PRKCE: variants seen among roughly 807,000 people sequenced by gnomAD.
PRKCE encodes protein kinase C epsilon type.
A neutral mutation model predicts 85.4 loss-of-function variants in PRKCE; 16 were observed. The observed-to-expected ratio is 0.19, with a 90% CI of 0.13 to 0.28. The LOEUF is 0.28. PRKCE is among the 10% of genes least tolerant of loss of function. PRKCE has a pLI of 1.00. For synonymous variants in PRKCE, 388 were observed against 371.5 expected (o/e 1.04, Z -0.51); for missense variants, 573 against 975.2 (o/e 0.59, Z 5.49).
At chr2:46,047,525 T>C (rs911505602) in intron 10 of PRKCE, among the ~76,000 whole-genome samples, 2 of 152,208 alleles carry the variant, frequency 1.3e-5, no homozygotes, top group African/African-American at 4.8e-5. Flanking sequence ...AGGCCTTTAC[T>C]TGGCACATCC....
intron 10 of PRKCE, among the ~76,000 whole-genome samples, chr2:46,014,144 A>C (rs764673832): frequency 5.3e-5 from 8 of 152,202 alleles, no homozygotes; most frequent in Admixed American, 2.0e-4. Context: ...TTCCAGGGCT[A>C]GTGAGAAAAA....
chr2:45,752,131 GCAAGAAA>G (rs1683627213), intron 1 of PRKCE, among the ~76,000 whole-genome samples: 1 of 152,120 alleles, frequency 6.6e-6, no homozygotes, highest in Non-Finnish European at 1.5e-5. Flanking sequence ...ACCACTATTA[GCAAGAAA>G]ACAAGTGAAC....
rs1294650058 is a variant in PRKCE at position 45,746,896 on chromosome 2, C to T, written c.348+94448C>T. Among the ~76,000 whole-genome samples, 5 of 152,266 alleles carry T rather than the reference C, an allele frequency of 3.3e-5. No homozygotes were observed. The East Asian group carries it at 9.6e-4, about 29-fold the overall frequency. ...CTGCCCTTCAGTCTCCTCTCCTTAT[C>T]CCAGGCCTGGATGCCCTCCTTTGTC... On this transcript the variant is annotated intron_variant, in intron 1 of 14. Transcript: ENST00000306156.
intron 10 of PRKCE, among the ~76,000 whole-genome samples, chr2:46,057,231 C>A (rs1666668554): frequency 6.6e-6 from 1 of 152,138 alleles, no homozygotes; most frequent in Non-Finnish European, 1.5e-5. Context: ...TCTCAGAAGT[C>A]ACATAGCATT....
chr2:45,880,983 C>G (rs1225096044), intron 2 of PRKCE, among the ~76,000 whole-genome samples: 5 of 151,908 alleles, frequency 3.3e-5, no homozygotes, highest in African/African-American at 1.2e-4. Flanking sequence ...GAAACCCCGT[C>G]TCTACTAAAA....
At chr2:45,677,917 G>C in intron 1 of PRKCE, 1 of 984,896 alleles carries the variant, frequency 1.0e-6, no homozygotes, top group Non-Finnish European at 1.2e-6. Flanking sequence ...GTGGGAACCG[G>C]TAGGAGCATA....
At chr2:46,149,131 G>A (rs1028714601) in intron 12 of PRKCE, among the ~76,000 whole-genome samples, 2 of 152,176 alleles carry the variant, frequency 1.3e-5, no homozygotes, top group African/African-American at 4.8e-5. Context: ...TAAGCAATTT[G>A]TAACCTCTAG....
At position 45,942,738 on chromosome 2, in the gene PRKCE, T is replaced by C. The variant is rs891060103; in HGVS notation, c.413-33691T>C. ...TCTTGGAAAAAGTCACTTAATCTTC[T>C]TGAGATTCAGTTTTTTTCAACAATA... On this transcript the variant is annotated intron_variant, in intron 2 of 14. Coordinates refer to ENST00000306156, the MANE Select transcript of PRKCE (RefSeq NM_005400.3). Among the ~76,000 whole-genome samples, 34 of 152,366 alleles carry C rather than the reference T, an allele frequency of 2.2e-4. 1 individual carries two copies. The highest frequency in any genetic ancestry group is 1.2e-3 in the Admixed American group (19 of 15,304).
At chr2:46,090,347 C>G (rs139564853) in intron 11 of PRKCE, among the ~76,000 whole-genome samples, 1 of 152,170 alleles carries the variant, frequency 6.6e-6, no homozygotes, top group Non-Finnish European at 1.5e-5. Flanking sequence ...GACTCCCTCC[C>G]CTAGTGGGAT....
chr2:46,099,510 T>A (rs1647466286), intron 11 of PRKCE, among the ~76,000 whole-genome samples: 1 of 152,118 alleles, frequency 6.6e-6, no homozygotes, highest in Non-Finnish European at 1.5e-5. Context: ...ATTTTTTTTT[T>A]TTTTACGCTA....
intron 2 of PRKCE, among the ~76,000 whole-genome samples, chr2:45,909,665 A>C (rs750785632): frequency 1.4e-4 from 21 of 152,220 alleles, no homozygotes; most frequent in Non-Finnish European, 1.8e-4. Context: ...CCCTACCCCC[A>C]TTCTGTGCTT....
chr2:45,980,523 TC>T, intron 5 of PRKCE, 142 bp downstream of exon 5: 1 of 762,534 alleles, frequency 1.3e-6, no homozygotes, highest in Non-Finnish European at 2.1e-6. Context: ...AAGGGAGCTG[TC>T]CACGGTCTTC....
intron 1 of PRKCE, among the ~76,000 whole-genome samples, chr2:45,780,866 C>T (rs1470593568): frequency 1.3e-5 from 2 of 152,330 alleles, no homozygotes; most frequent in South Asian, 2.1e-4. Flanking sequence ...TGCTGTCTTT[C>T]CAATTCTCAG....
intron 2 of PRKCE, among the ~76,000 whole-genome samples, chr2:45,962,938 A>T (rs549938980): frequency 2.0e-5 from 3 of 152,342 alleles, no homozygotes; most frequent in Non-Finnish European, 2.9e-5. Flanking sequence ...TCTCAGTGGA[A>T]CATAAAAACT....
At chr2:46,008,361 T>A (rs1242714232) in intron 9 of PRKCE, among the ~76,000 whole-genome samples, 2 of 152,154 alleles carry the variant, frequency 1.3e-5, no homozygotes, top group Non-Finnish European at 2.9e-5. Flanking sequence ...CTGGGTGAGA[T>A]GGAAAAATTA....
chr2:45,652,029 C>G lies in PRKCE; in HGVS notation c.-72C>G. 1 of 1,231,754 alleles carries G rather than the reference C, an allele frequency of 8.1e-7. No individual in the cohort carries two copies. Among genetic ancestry groups the G allele is most frequent in the Non-Finnish European group, 1.1e-6 (1 of 879,164 alleles). The allele number at this position is 1,231,754 out of a possible 1,614,324, so 76.3% of individuals were successfully genotyped here. On this transcript the variant is annotated 5_prime_UTR_variant, in exon 1 of 15. Transcript: ENST00000306156. This position sits in a 1 kb window ranked among gnomAD's most constrained non-coding sequence, Gnocchi z 7.7. The stretch of plus-strand genomic sequence containing the variant: ...CAAGAGTCCCTGTGGCTCGGAGTGC[C>G]GGGCCGTCGGTTCTTCATTCCTGCC...
At chr2:46,073,174 AG>A (rs1668224798) in intron 10 of PRKCE, among the ~76,000 whole-genome samples, 1 of 152,224 alleles carries the variant, frequency 6.6e-6, no homozygotes, top group Non-Finnish European at 1.5e-5. Flanking sequence ...GTGAACATCC[AG>A]CCGAGGCCAG....
At chr2:45,671,315 C>T (rs1361794820) in intron 1 of PRKCE, among the ~76,000 whole-genome samples, 2 of 152,108 alleles carry the variant, frequency 1.3e-5, no homozygotes, top group African/African-American at 4.8e-5. Context: ...AATTGGGGGC[C>T]AAGGCAGATG....
chr2:46,056,811 A>T lies in PRKCE; in HGVS notation c.1438-29397A>T, dbSNP rs114477864. Among the ~76,000 whole-genome samples, 1,213 of 152,338 alleles carry T rather than the reference A, an allele frequency of 8.0e-3. 8 individuals are homozygous for T. The highest frequency in any genetic ancestry group is 0.017 in the Middle Eastern group (5 of 294). On this transcript the variant is annotated intron_variant, in intron 10 of 14. Coordinates refer to ENST00000306156, the MANE Select transcript of PRKCE (RefSeq NM_005400.3). Reference sequence around the variant, plus strand: ...CTTTTCTTTTTTTAAGTAGTGAATCATGGTTCTAATATTAATGAGAAAATT... The same window carrying T: ...CTTTTCTTTTTTTAAGTAGTGAATCTTGGTTCTAATATTAATGAGAAAATT...
Sources: gnomAD v4.1 joint callset for allele counts (sites outside exome capture counted in the v4.1 genomes callset) on GRCh38, gnomAD v4.1.1 for gene constraint, Gnocchi (gnomAD v3.1) non-coding constraint, MANE v1.5 for transcripts, NCBI Gene and HGNC (gene_info 2026-07-23, HGNC 2026-07-21) for gene names.